Variants in PTDSS1 observed in about 807,000 individuals in gnomAD.
PTDSS1 encodes the protein phosphatidylserine synthase 1, also known as PSS-1.
A neutral mutation model predicts 70.5 loss-of-function variants in PTDSS1; 45 were observed. The observed-to-expected ratio is 0.64, with a 90% CI of 0.50 to 0.82. The LOEUF (loss-of-function observed/expected upper bound fraction) is 0.82. PTDSS1 is among the 40% of genes least tolerant of loss of function. The pLI is 0.00. For missense variants in PTDSS1, 417 were observed against 586.1 expected, an observed-to-expected ratio of 0.71 and a Z score of 2.98; for synonymous variants, 188 against 203.8, an observed-to-expected ratio of 0.92 and a Z score of 0.66.
intron 9 of PTDSS1, among the ~76,000 whole-genome samples, chr8:96,317,057 ATG>A (rs749702023): frequency 2.0e-5 from 3 of 148,496 alleles, no homozygotes; most frequent in East Asian, 3.9e-4. Flanking sequence ...GTATATATAT[ATG>A]TGTGTGTGTG....
At chr8:96,296,090 A>G (rs932231318) in intron 5 of PTDSS1, among the ~76,000 whole-genome samples, 3 of 139,910 alleles carry the variant, frequency 2.1e-5, no homozygotes, top group Non-Finnish European at 3.0e-5. Context: ...CTTCCTGGTC[A>G]TGTGGCATTC....
At chr8:96,311,267 A>G (rs1811208822) in intron 9 of PTDSS1, among the ~76,000 whole-genome samples, 1 of 152,222 alleles carries the variant, frequency 6.6e-6, no homozygotes, top group South Asian at 2.1e-4. Context: ...ATGAAGTTCA[A>G]TCCCCAAGGT....
At chr8:96,299,615 G>T in intron 5 of PTDSS1, 79 bp from the exon 6 acceptor site, 1 of 1,389,470 alleles carries the variant, frequency 7.2e-7, no homozygotes, top group Admixed American at 2.5e-5. Flanking sequence ...ATAATGTATT[G>T]TTAAAAAGGA....
rs554384852 is a variant in PTDSS1 at position 96,323,721 on chromosome 8, G to T, written c.1173+3376G>T. On this transcript the variant is annotated intron_variant, in intron 10 of 12. Transcript: ENST00000517309. ...CCTTGAAGATCTCTGAAACGCTTTT[G>T]CTTTCAGGGATCTTCCTCACATTTT... Among the ~76,000 whole-genome samples the T allele has an allele frequency of 1.3e-4, 20 of 152,338 alleles. No individual in the cohort carries two copies. In the East Asian group the frequency reaches 3.9e-3, roughly 29 times the overall value.
intron 3 of PTDSS1, 94 bp from the exon 4 acceptor site, chr8:96,286,928 C>G (rs781618146): frequency 3.4e-6 from 5 of 1,479,328 alleles, no homozygotes; most frequent in Non-Finnish European, 4.7e-6. Flanking sequence ...ATCTTAGTGT[C>G]TGGTTTTGGC....
In PTDSS1 at chr8:96,330,953, C is replaced by T. The variant is rs527868701; in HGVS notation, c.1243-73C>T. 135 of 1,322,680 alleles carry T rather than the reference C, an allele frequency of 1.0e-4. No individual in the cohort carries two copies. The East Asian group carries it at 3.1e-3, about 30-fold the overall frequency. 81.9% of individuals were successfully genotyped at this position (1,322,680 alleles called of 1,614,324 possible). ...CTGGGAGAGGCAGGGATGCAGCATG[C>T]TCGCCTTTTTGCCCTGCCACTTCTC... On this transcript the variant is annotated intron_variant, in intron 11 of 12. Coordinates refer to ENST00000517309, the MANE Select transcript of PTDSS1 (RefSeq NM_014754.3).
rs1249089428 is a variant in PTDSS1, at chr8:96,295,114, G to A, written c.458G>A (p.Cys153Tyr). The A allele has an allele frequency of 6.2e-7, 1 of 1,613,554 alleles. No individual in the cohort carries two copies. Among genetic ancestry groups the A allele is most frequent in the Non-Finnish European group, 8.5e-7 (1 of 1,179,726 alleles). ...EADVMEYAVNCHVITWERIIS... is the reference protein window; with the variant it reads ...EADVMEYAVNYHVITWERIIS... The stretch of plus-strand genomic sequence containing the variant: ...TTTAAATAGGAGTATGCTGTGAACT[G>A]CCATGTGATCACCTGGGAGAGGATT... Residue 153 changes from cysteine (C) to tyrosine (Y), a missense_variant, in exon 5 of 13, where the codon TGC (cysteine) becomes TAC (tyrosine). Transcript: ENST00000517309.
At chr8:96,326,099 A>G (rs964870032) in intron 10 of PTDSS1, among the ~76,000 whole-genome samples, 1 of 152,174 alleles carries the variant, frequency 6.6e-6, no homozygotes, top group Non-Finnish European at 1.5e-5. Context: ...CGTGTACTCT[A>G]TTCTCAGGCT....
intron 12 of PTDSS1, 116 bp downstream of exon 12, chr8:96,331,211 G>A: frequency 1.1e-6 from 1 of 934,760 alleles, no homozygotes; most frequent in Non-Finnish European, 1.7e-6. Flanking sequence ...CCTACCCATT[G>A]AATGTCTCCT....
chr8:96,290,515 G>A (rs1194573636), intron 4 of PTDSS1, among the ~76,000 whole-genome samples: 2 of 152,212 alleles, frequency 1.3e-5, no homozygotes, highest in African/African-American at 4.8e-5. Context: ...TAGTTTTCAA[G>A]TATTGGCTAA....
At position 96,333,872 on chromosome 8, in the gene PTDSS1, G is replaced by T; in HGVS notation, c.*306G>T. On this transcript the variant is annotated 3_prime_UTR_variant, in exon 13 of 13. Transcript: ENST00000517309. ...GTAGCTATTCATTCACAGTTGCCAA[G>T]AGCAGCTCCGCGCCTGCTGGATCGT... The T allele has an allele frequency of 1.6e-6, 1 of 631,950 alleles. No homozygotes were observed. 39.1% of individuals were successfully genotyped at this position (631,950 alleles called of 1,614,324 possible).
At chr8:96,285,916 G>A (rs1025280722) in intron 3 of PTDSS1, among the ~76,000 whole-genome samples, 8 of 152,184 alleles carry the variant, frequency 5.3e-5, no homozygotes, top group African/African-American at 1.9e-4. Flanking sequence ...TGGTGCATAA[G>A]TGCAAACTGA....
At chr8:96,277,721 A>G (rs1278543485) in intron 2 of PTDSS1, among the ~76,000 whole-genome samples, 1 of 152,076 alleles carries the variant, frequency 6.6e-6, no homozygotes, top group Non-Finnish European at 1.5e-5. Flanking sequence ...TTGTCTCATC[A>G]CGTATGTGTG....
intron 2 of PTDSS1, among the ~76,000 whole-genome samples, chr8:96,283,368 A>G (rs770137306): frequency 6.6e-5 from 10 of 152,170 alleles, no homozygotes; most frequent in Non-Finnish European, 1.5e-4. Flanking sequence ...TGTGAGGTGT[A>G]AGGTCAAGGC....
rs375587378 is a variant in PTDSS1, at chr8:96,293,309, G to C, written c.442-1789G>C. On this transcript the variant is annotated intron_variant, in intron 4 of 12. Transcript: ENST00000517309. The stretch of plus-strand genomic sequence containing the variant: ...TAAAAGAACAACCTGGGGAGGTAAA[G>C]TGAATAGGACTTGGTATTTGGTTAG... 5.4e-4 allele frequency among the ~76,000 whole-genome samples: 83 copies of C among 152,380 alleles called. 1 individual carries two copies. Among genetic ancestry groups the C allele is most frequent in the African/African-American group, 1.6e-3 (65 of 41,596 alleles).
chr8:96,262,355 C>A lies in PTDSS1; in HGVS notation c.179+136C>A. ...CTGCTCCACGCACACGCACTGGCAGCCCGCCGCCCACGCGGCCCCTCCGCC... is the reference window on the plus strand; with the variant it reads ...CTGCTCCACGCACACGCACTGGCAGACCGCCGCCCACGCGGCCCCTCCGCC... On this transcript the variant is annotated intron_variant, in intron 1 of 12. Transcript: ENST00000517309. The surrounding 1 kb of genome is among the most constrained non-coding windows in gnomAD (Gnocchi z 4.4). The A allele has an allele frequency of 8.5e-7, 1 of 1,178,508 alleles. No individual in the cohort carries two copies. Among genetic ancestry groups the A allele is most frequent in the Non-Finnish European group, 1.2e-6 (1 of 866,902 alleles). The allele number at this position is 1,178,508 out of a possible 1,614,324, so 73.0% of individuals were successfully genotyped here.
intron 9 of PTDSS1, among the ~76,000 whole-genome samples, chr8:96,311,674 T>C (rs139424716): frequency 6.6e-6 from 1 of 152,324 alleles, no homozygotes; most frequent in East Asian, 1.9e-4. Context: ...TTGTCATTTG[T>C]TTCTCTTAGG....
At chr8:96,279,456 TAA>T (rs772460972) in intron 2 of PTDSS1, among the ~76,000 whole-genome samples, 11 of 141,168 alleles carry the variant, frequency 7.8e-5, no homozygotes, top group Admixed American at 7.1e-5. Flanking sequence ...CTTCTAAATT[TAA>T]AAAAAAAAAA....
At chr8:96,285,127 A>T (rs1356928666) in intron 3 of PTDSS1, among the ~76,000 whole-genome samples, 2 of 152,240 alleles carry the variant, frequency 1.3e-5, no homozygotes, top group Non-Finnish European at 2.9e-5. Flanking sequence ...AGACCAAGGG[A>T]GGTGACAGGA....
Sources: gnomAD v4.1 joint callset for allele counts (sites outside exome capture counted in the v4.1 genomes callset) on GRCh38, gnomAD v4.1.1 for gene constraint, Gnocchi (gnomAD v3.1) non-coding constraint, MANE v1.5 for transcripts, NCBI Gene and HGNC (gene_info 2026-07-23, HGNC 2026-07-21) for gene names.